The following CDH13 variants were observed in gnomAD, a reference collection of about 807,000 sequenced individuals.
CDH13 encodes the protein cadherin-13.
A neutral mutation model predicts 63.8 loss-of-function variants in CDH13; 24 were observed. The ratio of observed to expected loss-of-function variants is 0.38; its 90% CI spans 0.27 to 0.53. The LOEUF is 0.53. Ranked by LOEUF, CDH13 falls within the 20% of genes least tolerant of loss-of-function variation. The probability of loss-of-function intolerance (pLI) is 0.85; values close to 1 mark genes in which losing one functional copy is unlikely to be tolerated. For synonymous variants in CDH13, 503 were observed against 355.3 expected, an observed-to-expected ratio of 1.42 and a Z score of -4.67; for missense variants, 1,049 against 903.1, an observed-to-expected ratio of 1.16 and a Z score of -2.07.
chr16:82,909,226 C>T (rs2041747005), intron 2 of CDH13, among the ~76,000 whole-genome samples: 1 of 148,608 alleles, frequency 6.7e-6, no homozygotes, highest in African/African-American at 2.5e-5. Flanking sequence ...GATGTGGAAC[C>T]CACAGAAACT....
intron 2 of CDH13, among the ~76,000 whole-genome samples, chr16:82,946,645 C>T (rs1904748448): frequency 1.3e-5 from 2 of 151,770 alleles, no homozygotes; most frequent in Non-Finnish European, 2.9e-5. Flanking sequence ...TGCTTGAAAC[C>T]AGGAGGTGGA....
chr16:83,783,005 C>G (rs1057507381), intron 12 of CDH13, among the ~76,000 whole-genome samples: 1 of 152,162 alleles, frequency 6.6e-6, no homozygotes, highest in Non-Finnish European at 1.5e-5. Flanking sequence ...TGGAAACACT[C>G]TGTCTCTGTG....
chr16:83,210,755 A>G (rs2151778083), intron 4 of CDH13, among the ~76,000 whole-genome samples: 1 of 152,084 alleles, frequency 6.6e-6, no homozygotes, highest in South Asian at 2.1e-4. Context: ...CAATTCAAGA[A>G]AGTGAGAACC....
At chr16:83,732,581 T>A (rs570879600) in intron 10 of CDH13, among the ~76,000 whole-genome samples, 57 of 152,352 alleles carry the variant, frequency 3.7e-4, no homozygotes, top group Non-Finnish European at 2.9e-5. Context: ...CTAGTGCTAA[T>A]GTAGAACCTC....
intron 1 of CDH13, among the ~76,000 whole-genome samples, chr16:82,670,853 A>G (rs1479367158): frequency 2.0e-5 from 3 of 152,194 alleles, no homozygotes; most frequent in Non-Finnish European, 4.4e-5. Flanking sequence ...GCTGTTTAGT[A>G]CCTGAGATAT....
At chr16:83,217,027 A>G (rs561208103) in intron 4 of CDH13, among the ~76,000 whole-genome samples, 63 of 152,236 alleles carry the variant, frequency 4.1e-4, no homozygotes, top group Non-Finnish European at 8.2e-4. Flanking sequence ...TGAAAAAAAT[A>G]TATTTCGTGG....
intron 2 of CDH13, among the ~76,000 whole-genome samples, chr16:83,028,850 G>T (rs764809864): frequency 1.3e-5 from 2 of 152,176 alleles, no homozygotes; most frequent in Non-Finnish European, 2.9e-5. Flanking sequence ...GGGAACTACT[G>T]TATTCAGGTT....
At chr16:83,060,923 T>C (rs1461010425) in intron 3 of CDH13, among the ~76,000 whole-genome samples, 1 of 152,198 alleles carries the variant, frequency 6.6e-6, no homozygotes. Flanking sequence ...TTCTCTCACC[T>C]GAAAGCATGC....
rs565751704 is a variant in CDH13, at chr16:83,167,623, G to C, written c.483+42122G>C. On this transcript the variant is annotated intron_variant, in intron 4 of 13. Transcript: ENST00000567109. Reference sequence around the variant, plus strand: ...ATCTTTCTATGTTCCACGTTATCAAGACCCTTTCTCTCTTTTCCCAAAGCT... The same window carrying C: ...ATCTTTCTATGTTCCACGTTATCAACACCCTTTCTCTCTTTTCCCAAAGCT... 1.8e-4 allele frequency among the ~76,000 whole-genome samples: 27 copies of C among 150,502 alleles called. 1 individual carries two copies. Among genetic ancestry groups the C allele is most frequent in the African/African-American group, 6.1e-4 (25 of 41,008 alleles).
intron 6 of CDH13, among the ~76,000 whole-genome samples, chr16:83,484,788 G>A (rs924188341): frequency 3.9e-5 from 6 of 152,134 alleles, no homozygotes; most frequent in African/African-American, 1.2e-4. Context: ...CTGTGTGTAA[G>A]CATGTTCACA....
At chr16:83,118,312 G>A (rs1431510109) in intron 3 of CDH13, among the ~76,000 whole-genome samples, 2 of 152,208 alleles carry the variant, frequency 1.3e-5, no homozygotes, top group Admixed American at 1.3e-4. Flanking sequence ...GCATATGTCC[G>A]TGGGTCTAGG....
intron 1 of CDH13, among the ~76,000 whole-genome samples, chr16:82,723,487 C>T (rs2151024884): frequency 6.6e-6 from 1 of 152,244 alleles, no homozygotes; most frequent in East Asian, 1.9e-4. Context: ...TAAAGTCCAC[C>T]TTACTTCAGC....
At chr16:83,286,599 A>G (rs1181739277) in intron 5 of CDH13, among the ~76,000 whole-genome samples, 1 of 151,930 alleles carries the variant, frequency 6.6e-6, no homozygotes, top group Non-Finnish European at 1.5e-5. Context: ...CTACTAAAAT[A>G]TAAAAAATTA....
chr16:82,734,724 G>C (rs776173138), intron 1 of CDH13, among the ~76,000 whole-genome samples: 1 of 152,180 alleles, frequency 6.6e-6, no homozygotes, highest in Non-Finnish European at 1.5e-5. Flanking sequence ...AGGAGCTTCA[G>C]AATTGACCCT....
chr16:82,950,132 C>G (rs1279417359), intron 2 of CDH13, among the ~76,000 whole-genome samples: 1 of 152,086 alleles, frequency 6.6e-6, no homozygotes, highest in East Asian at 1.9e-4. Flanking sequence ...GGCTGGAAGT[C>G]TAAGGTCAAG....
chr16:82,802,069 G>A (rs2036885426), intron 1 of CDH13, among the ~76,000 whole-genome samples: 1 of 151,762 alleles, frequency 6.6e-6, no homozygotes, highest in Non-Finnish European at 1.5e-5. Context: ...GCTCAGAGCT[G>A]TGCCCCACTG....
chr16:83,315,495 T>A (rs956937556), intron 5 of CDH13, among the ~76,000 whole-genome samples: 13 of 152,208 alleles, frequency 8.5e-5, no homozygotes, highest in African/African-American at 2.4e-4. Flanking sequence ...TTTCCGTGAA[T>A]GACTAACTGG....
intron 5 of CDH13, among the ~76,000 whole-genome samples, chr16:83,318,592 C>G (rs555893245): frequency 6.6e-6 from 1 of 152,302 alleles, no homozygotes; most frequent in Admixed American, 6.5e-5. Flanking sequence ...AGAAAGGAAT[C>G]TCTGTGGCAC....
At chr16:82,889,300 A>ATC (rs59500269) in intron 2 of CDH13, among the ~76,000 whole-genome samples, 38,884 of 149,812 alleles carry the variant, frequency 0.26, 6,333 homozygotes, top group Non-Finnish European at 0.38. Context: ...TCTCTCTATT[A>ATC]TCTCTCTCTC....
Sources: gnomAD v4.1 joint callset for allele counts (sites outside exome capture counted in the v4.1 genomes callset) on GRCh38, gnomAD v4.1.1 for gene constraint, MANE v1.5 for transcripts, NCBI Gene and HGNC (gene_info 2026-07-23, HGNC 2026-07-21) for gene names.